MAN2A2: variants seen among roughly 807,000 people sequenced by gnomAD.
MAN2A2 encodes the protein alpha-mannosidase 2x.
MAN2A2 carries 79 observed loss-of-function variants against 126.8 expected under a neutral mutation model. That is an observed-to-expected ratio of 0.62 (90% CI 0.52 to 0.75). MAN2A2 has a LOEUF of 0.75. MAN2A2 is among the 30% of genes least tolerant of loss of function. The pLI is 0.00. For missense variants in MAN2A2, 1,392 were observed against 1,522.4 expected, an observed-to-expected ratio of 0.91 and a Z score of 1.43; for synonymous variants, 671 against 618.7, an observed-to-expected ratio of 1.08 and a Z score of -1.25.
At position 90,912,528 on chromosome 15, in the gene MAN2A2, GTGTTT is replaced by G. The variant is rs1177418815; in HGVS notation, c.2347-12_2347-8del. Reference sequence around the variant, plus strand: ...TGGTGTGGGGCCAGGGGTCAGGGCTGTGTTTTTTGGCAGAGCATCCGAAGGGTGGA... The same window carrying G: ...TGGTGTGGGGCCAGGGGTCAGGGCTGTTTGGCAGAGCATCCGAAGGGTGGA... On this transcript the variant is annotated splice_polypyrimidine_tract_variant and intron_variant, in intron 15 of 22. Transcript: ENST00000559717. 6.2e-7 allele frequency: 1 copy of G among 1,612,750 alleles called. No individual in the cohort carries two copies. Among genetic ancestry groups the G allele is most frequent in the East Asian group, 2.2e-5 (1 of 44,824 alleles).
chr15:90,904,866 A>G (rs891365938), intron 2 of MAN2A2, among the ~76,000 whole-genome samples: 2 of 152,208 alleles, frequency 1.3e-5, no homozygotes, highest in Admixed American at 1.3e-4. Flanking sequence ...AAGTGCTGGG[A>G]TTACAGGTGT....
Position 90,905,855 on chromosome 15 carries a change from G to A in MAN2A2, c.546G>A (p.Lys182=), listed in dbSNP as rs1172630667. 4 of 1,576,004 alleles carry A rather than the reference G, an allele frequency of 2.5e-6. No individual in the cohort carries two copies. The African/African-American group carries it at 5.4e-5, about 21-fold the overall frequency. ...ACATTGGCTCCCTAGGCTGGATCAAGACCTTTGACAAGTACTACACAGAGC... is the reference window on the plus strand; with the variant it reads ...ACATTGGCTCCCTAGGCTGGATCAAAACCTTTGACAAGTACTACACAGAGC... ...PHSHNDPGWI[K]TFDKYYTEQT... The change falls in exon 5 of 23, where the codon AAG becomes AAA. Residue 182 remains lysine (K), a synonymous_variant. Coordinates refer to ENST00000559717, the MANE Select transcript of MAN2A2 (RefSeq NM_006122.4).
intron 7 of MAN2A2, 39 bp downstream of exon 7, chr15:90,906,952 G>T: frequency 6.2e-7 from 1 of 1,605,366 alleles, no homozygotes; most frequent in South Asian, 1.1e-5. Flanking sequence ...CTGCAGCATA[G>T]TCTTCACTGG....
In MAN2A2 at chr15:90,913,688, C is replaced by T; in HGVS notation, c.2793C>T (p.Ile931=). 1 of 1,610,052 alleles carries T rather than the reference C, an allele frequency of 6.2e-7. No homozygotes were observed. The highest frequency in any genetic ancestry group is 8.5e-7 in the Non-Finnish European group (1 of 1,178,254). Residue 931 remains isoleucine, a synonymous_variant, in exon 19 of 23, where the codon ATC becomes ATT. Coordinates refer to ENST00000559717, the MANE Select transcript of MAN2A2 (RefSeq NM_006122.4). ...NFYPMPVMAY[I]QDAQKRLTLH... is the part of the protein sequence containing the mutation. ...ACCCCATGCCAGTCATGGCCTATAT[C>T]CAGGACGCACAGAAGCGCCTCACGC...
At chr15:90,911,700 A>T in intron 14 of MAN2A2, 150 bp downstream of exon 14, 1 of 838,134 alleles carries the variant, frequency 1.2e-6, no homozygotes, top group South Asian at 1.8e-5. Context: ...TGTCCAGAAG[A>T]CAGGCACTCT....
intron 7 of MAN2A2, 115 bp downstream of exon 7, chr15:90,907,028 G>T: frequency 7.5e-7 from 1 of 1,326,850 alleles, no homozygotes; most frequent in Non-Finnish European, 1.0e-6. Flanking sequence ...AGGCACTGGT[G>T]TGGACTGCCA....
In MAN2A2 at chr15:90,913,396, A is replaced by G. The variant is rs1188895098; in HGVS notation, c.2708A>G (p.Asn903Ser). ...CAGGGTATCTTCTTCACAGACCTCA[A>G]TGGCTTTCAGGTGACTCCTGGGCCT... ...DSQGIFFTDL[N>S]GFQVQPRRYL... The change falls in exon 18 of 23, where the codon AAT becomes AGT. Residue 903 changes from asparagine (N) to serine (S), a missense_variant. Asn to Ser is a conservative substitution (Grantham distance 46). Coordinates refer to ENST00000559717, the MANE Select transcript of MAN2A2 (RefSeq NM_006122.4). The G allele has an allele frequency of 6.9e-6, 11 of 1,588,760 alleles. No individual in the cohort carries two copies. Among genetic ancestry groups the G allele is most frequent in the African/African-American group, 2.7e-5 (2 of 74,264 alleles).
rs2034618705 is a variant in MAN2A2, at chr15:90,910,283, C to T, written c.1568C>T (p.Ala523Val). The part of the protein sequence containing the change: ...FYKSLDRVLE[A>V]HLRGAEVLYS... ...AAGAGCTTAGACCGAGTCCTGGAAG[C>T]CCACCTGCGGTGAGACCCTGTCCCC... The change falls in exon 10 of 23, where the codon GCC becomes GTC. Residue 523 changes from alanine to valine, a missense_variant. Ala to Val is a moderately conservative substitution (Grantham distance 64). Coordinates refer to ENST00000559717, the MANE Select transcript of MAN2A2 (RefSeq NM_006122.4). The T allele has an allele frequency of 6.2e-7, 1 of 1,613,938 alleles. No individual in the cohort carries two copies. The highest frequency in any genetic ancestry group is 8.5e-7 in the Non-Finnish European group (1 of 1,179,988).
Position 90,909,440 on chromosome 15 carries a change from C to A in MAN2A2, c.1310C>A (p.Ala437Asp), listed in dbSNP as rs1454734910. 2 of 1,614,122 alleles carry A rather than the reference C, an allele frequency of 1.2e-6. No homozygotes were observed. The highest frequency in any genetic ancestry group is 1.7e-5 in the Admixed American group (1 of 60,002). The stretch of plus-strand genomic sequence containing the variant: ...TATGACAAGCCCCAGGAGTGGGATG[C>A]CCAGTTCTTCAACTACCAACGGCTC... The part of the protein sequence containing the change: ...FRYDKPQEWD[A>D]QFFNYQRLFD... Residue 437 changes from alanine to aspartate, a missense_variant, in exon 9 of 23, where the codon GCC becomes GAC. By Grantham distance (126) the Ala-to-Asp change is moderately radical. Coordinates refer to ENST00000559717, the MANE Select transcript of MAN2A2 (RefSeq NM_006122.4).
At chr15:90,916,499 C>A in intron 20 of MAN2A2, 1 of 1,300,322 alleles carries the variant, frequency 7.7e-7, no homozygotes, top group Non-Finnish European at 1.1e-6. Context: ...CCACTTTCCT[C>A]TGTGCTGCCC....
At chr15:90,909,644 C>T (rs2034569823) in intron 9 of MAN2A2, 140 bp downstream of exon 9, 2 of 817,998 alleles carry the variant, frequency 2.4e-6, no homozygotes, top group South Asian at 2.2e-5. Flanking sequence ...CACTCTGTTG[C>T]CCAGGCTGGA....
intron 20 of MAN2A2, 41 bp from the exon 21 acceptor site, chr15:90,918,153 T>C: frequency 6.3e-7 from 1 of 1,582,168 alleles, no homozygotes; most frequent in Non-Finnish European, 8.6e-7. Context: ...CCCCTCAGCC[T>C]GGCTTTGGTC....
At chr15:90,911,591 G>C (rs775350846) in intron 14 of MAN2A2, 41 bp downstream of exon 14, 1 of 1,569,936 alleles carries the variant, frequency 6.4e-7, no homozygotes, top group Admixed American at 1.8e-5. Flanking sequence ...CCCTCTGCCC[G>C]TCGTGGGCCC....
In MAN2A2 at chr15:90,919,742, T is replaced by C; in HGVS notation, c.3408T>C (p.Tyr1136=). Residue 1136 remains tyrosine (Y), a synonymous_variant, in exon 23 of 23, where the codon TAT becomes TAC. Coordinates refer to ENST00000559717, the MANE Select transcript of MAN2A2 (RefSeq NM_006122.4). ...LASPSNSTDV[Y]LEPMEIATFR... ...CCCCGTCCAACAGCACTGACGTCTATTTGGAGCCCATGGAGATTGCTACCT... is the reference window on the plus strand; with the variant it reads ...CCCCGTCCAACAGCACTGACGTCTACTTGGAGCCCATGGAGATTGCTACCT... 2 of 1,614,218 alleles carry C rather than the reference T, an allele frequency of 1.2e-6. No homozygotes were observed. The highest frequency in any genetic ancestry group is 1.3e-5 in the African/African-American group (1 of 75,058).
chr15:90,919,772 C>T lies in MAN2A2; in HGVS notation c.3438C>T (p.Arg1146=). ...AGCCCATGGAGATTGCTACCTTTCG[C>T]CTCCGCTTGGGTTAGGGCTTCTTGT... ...YLEPMEIATF[R]LRLG The change falls in exon 23 of 23, where the codon CGC becomes CGT. Residue 1146 remains arginine (R), a synonymous_variant. Coordinates refer to ENST00000559717, the MANE Select transcript of MAN2A2 (RefSeq NM_006122.4). 6.2e-7 allele frequency: 1 copy of T among 1,614,186 alleles called. No individual in the cohort carries two copies. Among genetic ancestry groups the T allele is most frequent in the Non-Finnish European group, 8.5e-7 (1 of 1,180,026 alleles).
rs551769619 is a variant in MAN2A2, at chr15:90,912,890, A to G, written c.2483A>G (p.Lys828Arg). 1.1e-5 allele frequency: 17 copies of G among 1,613,816 alleles called. No individual in the cohort carries two copies. In the East Asian group the frequency reaches 3.1e-4, roughly 30 times the overall value. The change falls in exon 17 of 23, where the codon AAG (lysine) becomes AGG (arginine). Residue 828 changes from lysine to arginine, a missense_variant. By Grantham distance (26) the Lys-to-Arg change is conservative. Coordinates refer to ENST00000559717, the MANE Select transcript of MAN2A2 (RefSeq NM_006122.4). ...CTCTTTCTCTAGCCCTACGTCCCCA[A>G]GGAGCCCCCCGTGCTGCGTGTCACT... ...PDGEAKPYVP[K>R]EPPVLRVTEG...
rs928315533 is a variant in MAN2A2, at chr15:90,905,644, C to T, written c.456C>T (p.Phe152=). ...NVDGGVWRQG[F]DISYDPHDWD... is the part of the protein sequence containing the mutation. ...ATGGTGGTGTGTGGAGGCAAGGCTT[C>T]GACATCTCCTACGACCCGCACGACT... Residue 152 remains phenylalanine, a synonymous_variant, in exon 4 of 23, where the codon TTC becomes TTT. Coordinates refer to ENST00000559717, the MANE Select transcript of MAN2A2 (RefSeq NM_006122.4). 12 of 1,614,014 alleles carry T rather than the reference C, an allele frequency of 7.4e-6. No individual in the cohort carries two copies. The highest frequency in any genetic ancestry group is 6.7e-5 in the East Asian group (3 of 44,896).
At chr15:90,909,664 C>T (rs1369877375) in intron 9 of MAN2A2, among the ~76,000 whole-genome samples, 160 bp downstream of exon 9, 2 of 149,240 alleles carry the variant, frequency 1.3e-5, no homozygotes, top group Non-Finnish European at 3.0e-5. Flanking sequence ...AGTTCAGTGG[C>T]GCGATCTTGG....
At chr15:90,905,804 A>T in intron 4 of MAN2A2, 41 bp from the exon 5 acceptor site, 1 of 1,584,824 alleles carries the variant, frequency 6.3e-7, no homozygotes, top group Non-Finnish European at 8.6e-7. Flanking sequence ...ACGTCGAAGA[A>T]GATGGTGGCA....
Sources: gnomAD v4.1 joint callset for allele counts (sites outside exome capture counted in the v4.1 genomes callset) on GRCh38, gnomAD v4.1.1 for gene constraint, MANE v1.5 for transcripts, NCBI Gene and HGNC (gene_info 2026-07-23, HGNC 2026-07-21) for gene names.